Variants in SOX5 observed in about 807,000 individuals in gnomAD.
The protein encoded by SOX5 is SRY-box transcription factor 5.
Under a neutral mutation model 92.0 loss-of-function variants are expected in SOX5, and 9 were observed. That is an observed-to-expected ratio of 0.10 (90% CI 0.06 to 0.17). SOX5 has a LOEUF of 0.17. Ranked by LOEUF, SOX5 falls within the 10% of genes least tolerant of loss-of-function variation. The pLI is 1.00. For synonymous variants in SOX5, 344 were observed against 336.3 expected, an observed-to-expected ratio of 1.02 and a Z score of -0.25; for missense variants, 642 against 944.5, an observed-to-expected ratio of 0.68 and a Z score of 4.20.
intron 2 of SOX5, among the ~76,000 whole-genome samples, chr12:24,329,627 A>C (rs1436731584): frequency 6.6e-6 from 1 of 152,246 alleles, no homozygotes; most frequent in Non-Finnish European, 1.5e-5. Flanking sequence ...GTTTAAAAGT[A>C]GGTCATGGGA....
At position 24,392,079 on chromosome 12, in the gene SOX5, T is replaced by G. The variant is rs188738112; in HGVS notation, c.-250-23440A>C. Among the ~76,000 whole-genome samples, 153 of 152,284 alleles carry G rather than the reference T, an allele frequency of 1.0e-3. 1 individual carries two copies. The highest frequency in any genetic ancestry group is 6.8e-3 in the Middle Eastern group (2 of 294). Reference sequence around the variant, plus strand: ...TGACAGTTCTCCTTTCCTCATCTCCTGCATTCAGCTAGATCTATTCAAAAT... The same window carrying G: ...TGACAGTTCTCCTTTCCTCATCTCCGGCATTCAGCTAGATCTATTCAAAAT... On this transcript the variant is annotated intron_variant, in intron 1 of 4. Coordinates refer to the SOX5 transcript ENST00000446891.
chr12:23,933,002 G>T (rs766926121), intron 1 of SOX5, among the ~76,000 whole-genome samples: 22 of 151,532 alleles, frequency 1.5e-4, no homozygotes, highest in Non-Finnish European at 2.8e-4. Context: ...CTTCCCTATA[G>T]TAGCCATCTC....
intron 8 of SOX5, among the ~76,000 whole-genome samples, chr12:23,605,324 C>T (rs2075106197): frequency 6.6e-6 from 1 of 151,594 alleles, no homozygotes; most frequent in Non-Finnish European, 1.5e-5. Context: ...AAGGAAGTTG[C>T]TTTAAATTCA....
chr12:24,109,826 C>T (rs572691412), intron 4 of SOX5, among the ~76,000 whole-genome samples: 46 of 152,286 alleles, frequency 3.0e-4, no homozygotes, highest in African/African-American at 9.9e-4. Flanking sequence ...TTAAAGTCCA[C>T]ATTTGGAAAC....
At chr12:24,367,234 A>G (rs922204045) in intron 2 of SOX5, among the ~76,000 whole-genome samples, 10 of 152,168 alleles carry the variant, frequency 6.6e-5, no homozygotes, top group African/African-American at 2.4e-4. Context: ...TGAGTATTTT[A>G]AATTAAATGA....
intron 8 of SOX5, among the ~76,000 whole-genome samples, chr12:23,612,635 T>G (rs919701157): frequency 8.5e-5 from 13 of 152,146 alleles, no homozygotes; most frequent in African/African-American, 3.1e-4. Flanking sequence ...TGTTAAATAT[T>G]TGGAATAGAG....
intron 4 of SOX5, among the ~76,000 whole-genome samples, chr12:24,207,872 T>A (rs1236154248): frequency 6.6e-6 from 1 of 152,140 alleles, no homozygotes; most frequent in African/African-American, 2.4e-5. Flanking sequence ...TGTTCCAGAA[T>A]CTCCAATGTG....
chr12:23,714,928 G>A (rs2092370773), intron 6 of SOX5, among the ~76,000 whole-genome samples: 1 of 152,126 alleles, frequency 6.6e-6, no homozygotes, highest in African/African-American at 2.4e-5. Context: ...AGGTACACCA[G>A]TAAGAAGAAA....
intron 9 of SOX5, among the ~76,000 whole-genome samples, chr12:23,579,284 C>G (rs1949720125): frequency 6.6e-6 from 1 of 152,154 alleles, no homozygotes; most frequent in Non-Finnish European, 1.5e-5. Context: ...GCCCCAAGGA[C>G]ATAACAGAGG....
chr12:24,265,102 T>C (rs1191380107), intron 3 of SOX5, among the ~76,000 whole-genome samples: 3 of 152,236 alleles, frequency 2.0e-5, no homozygotes, highest in African/African-American at 7.2e-5. Flanking sequence ...TGTTATAGCA[T>C]ATTATTCTGC....
intron 4 of SOX5, among the ~76,000 whole-genome samples, chr12:24,145,311 C>T (rs1373336630): frequency 2.0e-5 from 3 of 151,948 alleles, no homozygotes; most frequent in Non-Finnish European, 4.4e-5. Flanking sequence ...AAAACAAATG[C>T]AAGATGGTAG....
intron 3 of SOX5, among the ~76,000 whole-genome samples, chr12:23,765,704 A>G (rs1418273948): frequency 6.6e-6 from 1 of 152,184 alleles, no homozygotes; most frequent in Non-Finnish European, 1.5e-5. Context: ...CATTAGAACT[A>G]TTAGACTACT....
chr12:24,261,674 C>T (rs542162978), intron 3 of SOX5, among the ~76,000 whole-genome samples: 6 of 152,322 alleles, frequency 3.9e-5, no homozygotes, highest in Admixed American at 2.6e-4. Flanking sequence ...ACTTATGTGT[C>T]GCTACTGCCT....
intron 2 of SOX5, among the ~76,000 whole-genome samples, chr12:24,340,387 G>T (rs1952441422): frequency 6.6e-6 from 1 of 152,182 alleles, no homozygotes; most frequent in Non-Finnish European, 1.5e-5. Context: ...CACCCAACTT[G>T]CTATCCAGGG....
intron 4 of SOX5, among the ~76,000 whole-genome samples, chr12:24,029,298 AG>A (rs1955224442): frequency 6.6e-6 from 1 of 151,978 alleles, no homozygotes. Flanking sequence ...TATTAGAGAT[AG>A]GGTCTCATTC....
intron 4 of SOX5, among the ~76,000 whole-genome samples, chr12:23,996,404 A>G (rs1465124193): frequency 2.0e-5 from 3 of 152,208 alleles, no homozygotes; most frequent in Non-Finnish European, 4.4e-5. Context: ...ATGTAAAATG[A>G]TAAATCTACC....
rs145183479 is a variant in SOX5, at chr12:23,595,847, C to A, written c.1164+8540G>T. Among the ~76,000 whole-genome samples, 20 of 152,218 alleles carry A rather than the reference C, an allele frequency of 1.3e-4. No homozygotes were observed. In the East Asian group the frequency reaches 2.9e-3, roughly 22 times the overall value. ...GCAAGCTATTCCAGTTATGAGCACACTAAAAGCCTAGGCCTCACCACTAAG... is the reference window on the plus strand; with the variant it reads ...GCAAGCTATTCCAGTTATGAGCACAATAAAAGCCTAGGCCTCACCACTAAG... On this transcript the variant is annotated intron_variant, in intron 9 of 14. Coordinates refer to ENST00000451604, the MANE Select transcript of SOX5 (RefSeq NM_006940.6).
At chr12:23,979,712 T>TTG (rs1949340735) in intron 4 of SOX5, among the ~76,000 whole-genome samples, 1 of 106,602 alleles carries the variant, frequency 9.4e-6, no homozygotes, top group African/African-American at 3.7e-5. Context: ...TTTTTGTTTT[T>TTG]TTTTTTTTTT....
intron 1 of SOX5, among the ~76,000 whole-genome samples, chr12:24,559,295 T>G (rs1218199122): frequency 6.6e-6 from 1 of 152,208 alleles, no homozygotes; most frequent in African/African-American, 2.4e-5. Flanking sequence ...TCTCTACCAC[T>G]GAAGTTGATT....
Sources: allele counts gnomAD v4.1 joint callset (sites outside exome capture counted in the v4.1 genomes callset), GRCh38; gene constraint gnomAD v4.1.1; transcripts MANE v1.5; gene names NCBI Gene and HGNC (gene_info 2026-07-23, HGNC 2026-07-21).